UBE2E1: variants seen among roughly 807,000 people sequenced by gnomAD.
The protein encoded by UBE2E1 is ubiquitin conjugating enzyme E2 E1.
Under a neutral mutation model 21.4 loss-of-function variants are expected in UBE2E1, and 6 were observed. That is an observed-to-expected ratio of 0.28 (90% CI 0.15 to 0.55). The LOEUF is 0.55. UBE2E1 is among the 20% of genes least tolerant of loss of function. The pLI is 0.93. For missense variants in UBE2E1, 142 were observed against 236.5 expected (o/e 0.60, Z 2.62); for synonymous variants, 87 against 82.7 (o/e 1.05, Z -0.28).
chr3:23,851,981 T>G (rs947620165), intron 3 of UBE2E1, among the ~76,000 whole-genome samples: 1 of 152,086 alleles, frequency 6.6e-6, no homozygotes, highest in Non-Finnish European at 1.5e-5. Flanking sequence ...TTCACTTGCT[T>G]TGTTCATGCA....
At chr3:23,878,270 C>G (rs543192686) in intron 3 of UBE2E1, among the ~76,000 whole-genome samples, 2 of 152,240 alleles carry the variant, frequency 1.3e-5, no homozygotes, top group African/African-American at 4.8e-5. Flanking sequence ...GGAGGGCAGA[C>G]AGGCAAACCA....
In UBE2E1 at chr3:23,863,386, T is replaced by A. The variant is rs1035520136; in HGVS notation, c.204-24181T>A. On this transcript the variant is annotated intron_variant, in intron 3 of 5. Transcript: ENST00000306627. The surrounding 1 kb of genome is among the most constrained non-coding windows in gnomAD (Gnocchi z 4.3). ...TCCCTCCCCAAGTTATTCTCTCACC[T>A]TTTCCCCTCTCCCTTTCTCCCTCTG... is the stretch of plus-strand genomic sequence containing the variant. Among the ~76,000 whole-genome samples the A allele has an allele frequency of 2.0e-5, 3 of 152,038 alleles. No individual in the cohort carries two copies. The highest frequency in any genetic ancestry group is 4.4e-5 in the Non-Finnish European group (3 of 67,990).
At chr3:23,811,687 A>G (rs1213836217) in intron 3 of UBE2E1, among the ~76,000 whole-genome samples, 177 bp downstream of exon 3, 1 of 152,230 alleles carries the variant, frequency 6.6e-6, no homozygotes, top group Non-Finnish European at 1.5e-5. Flanking sequence ...AGCCTCTGAC[A>G]AGCTCAGTAC....
At chr3:23,840,992 A>T (rs1700073590) in intron 3 of UBE2E1, among the ~76,000 whole-genome samples, 2 of 152,340 alleles carry the variant, frequency 1.3e-5, no homozygotes, top group African/African-American at 4.8e-5. Flanking sequence ...TTAGTATCTG[A>T]TATACCATCT....
chr3:23,867,245 G>C (rs1403970483), intron 3 of UBE2E1, among the ~76,000 whole-genome samples: 1 of 152,050 alleles, frequency 6.6e-6, no homozygotes, highest in Non-Finnish European at 1.5e-5. Flanking sequence ...GTTTGTGAAG[G>C]AACTTTGAAA....
chr3:23,855,213 G>A (rs1700408515), intron 3 of UBE2E1, among the ~76,000 whole-genome samples: 1 of 151,946 alleles, frequency 6.6e-6, no homozygotes, highest in South Asian at 2.1e-4. Flanking sequence ...GTTAACTAAG[G>A]GACACAAATA....
At chr3:23,864,886 G>A (rs1361625815) in intron 3 of UBE2E1, among the ~76,000 whole-genome samples, 1 of 152,230 alleles carries the variant, frequency 6.6e-6, no homozygotes, top group East Asian at 1.9e-4. Context: ...GGGTCTTACT[G>A]TCCTGCATGC....
At position 23,842,702 on chromosome 3, in the gene UBE2E1, G is replaced by A. The variant is rs897042141; in HGVS notation, c.203+31192G>A. 1.3e-5 allele frequency among the ~76,000 whole-genome samples: 2 copies of A among 151,924 alleles called. No individual in the cohort carries two copies. The highest frequency in any genetic ancestry group is 2.1e-4 in the South Asian group (1 of 4,816). The stretch of plus-strand genomic sequence containing the variant: ...ATCACAAATTACAAGTGCGCTATTC[G>A]GTTTTTAAAAATTTTAATTTTGGTT... On this transcript the variant is annotated intron_variant, in intron 3 of 5. Coordinates refer to ENST00000306627, the MANE Select transcript of UBE2E1 (RefSeq NM_003341.5). The surrounding 1 kb of genome is among the most constrained non-coding windows in gnomAD (Gnocchi z 4.6).
chr3:23,819,551 T>A (rs1315287831), intron 3 of UBE2E1, among the ~76,000 whole-genome samples: 3 of 152,182 alleles, frequency 2.0e-5, no homozygotes, highest in Non-Finnish European at 2.9e-5. Context: ...AGACTTTAAG[T>A]TCCTCGAGAG....
chr3:23,884,446 A>G (rs2125328972), intron 3 of UBE2E1, among the ~76,000 whole-genome samples: 1 of 152,234 alleles, frequency 6.6e-6, no homozygotes, highest in Non-Finnish European at 1.5e-5. Context: ...CCCTCTAGAT[A>G]TTCTCAATCA....
intron 3 of UBE2E1, among the ~76,000 whole-genome samples, chr3:23,815,115 G>T (rs1246178278): frequency 6.6e-6 from 1 of 152,136 alleles, no homozygotes; most frequent in Admixed American, 6.5e-5. Flanking sequence ...CAAGTAGCAG[G>T]AACTACAGGC....
At chr3:23,883,056 G>A (rs1038569369) in intron 3 of UBE2E1, among the ~76,000 whole-genome samples, 2 of 152,168 alleles carry the variant, frequency 1.3e-5, no homozygotes, top group Non-Finnish European at 2.9e-5. Context: ...GGCACCAAGA[G>A]CGAGCGAGGG....
rs183256719 is a variant in UBE2E1 at position 23,819,199 on chromosome 3, G to A, written c.203+7689G>A. ...CTCAGGAGGCTGAGGCAGGAGAATC[G>A]CTTGAACCCGGGAGACAGGGGTTGC... is the stretch of plus-strand genomic sequence containing the variant. On this transcript the variant is annotated intron_variant, in intron 3 of 5. Coordinates refer to ENST00000306627, the MANE Select transcript of UBE2E1 (RefSeq NM_003341.5). 4.6e-3 allele frequency among the ~76,000 whole-genome samples: 703 copies of A among 152,246 alleles called. 6 individuals are homozygous for A. The highest frequency in any genetic ancestry group is 5.2e-3 in the Non-Finnish European group (355 of 68,022).
chr3:23,849,299 C>T (rs1163677114), intron 3 of UBE2E1, among the ~76,000 whole-genome samples: 2 of 152,056 alleles, frequency 1.3e-5, no homozygotes, highest in East Asian at 3.9e-4. Context: ...AGTGTTGTTT[C>T]ATTGTGTCTT....
intron 3 of UBE2E1, among the ~76,000 whole-genome samples, chr3:23,833,513 A>G (rs955026922): frequency 2.0e-5 from 3 of 152,234 alleles, no homozygotes; most frequent in African/African-American, 7.2e-5. Context: ...AGAACGCCAC[A>G]TGAGAGTCTG....
At chr3:23,888,790 G>T (rs1345993318) in intron 4 of UBE2E1, among the ~76,000 whole-genome samples, 2 of 152,194 alleles carry the variant, frequency 1.3e-5, no homozygotes, top group African/African-American at 4.8e-5. Flanking sequence ...TTGAGGCAGT[G>T]TAGTACTACC....
chr3:23,857,291 C>A (rs1293657143), intron 3 of UBE2E1, among the ~76,000 whole-genome samples: 1 of 151,130 alleles, frequency 6.6e-6, no homozygotes, highest in African/African-American at 2.4e-5. Context: ...CTTTTTGTAA[C>A]CAAGTGTTCT....
chr3:23,889,031 C>A (rs1310455075), intron 4 of UBE2E1, 81 bp from the exon 5 acceptor site: 4 of 1,420,898 alleles, frequency 2.8e-6, no homozygotes, highest in Non-Finnish European at 3.8e-6. Context: ...TTTTAGTCAC[C>A]TTCTTAAGGG....
At chr3:23,868,088 A>G (rs1038102840) in intron 3 of UBE2E1, among the ~76,000 whole-genome samples, 2 of 152,222 alleles carry the variant, frequency 1.3e-5, no homozygotes, top group Non-Finnish European at 2.9e-5. Context: ...AAGCAGGAAA[A>G]TAAGTCAAAA....
Sources: gnomAD v4.1 joint callset for allele counts (sites outside exome capture counted in the v4.1 genomes callset) on GRCh38, gnomAD v4.1.1 for gene constraint, Gnocchi (gnomAD v3.1) non-coding constraint, MANE v1.5 for transcripts, NCBI Gene and HGNC (gene_info 2026-07-23, HGNC 2026-07-21) for gene names.